Variants in VSIR observed in about 807,000 individuals in gnomAD.
VSIR encodes the protein V-type immunoglobulin domain-containing suppressor of T-cell activation.
A neutral mutation model predicts 31.0 loss-of-function variants in VSIR; 10 were observed. The observed-to-expected ratio is 0.32, with a 90% CI of 0.20 to 0.55. The LOEUF is 0.55. VSIR is among the 20% of genes least tolerant of loss of function. The pLI is 0.93. For missense variants in VSIR, 356 were observed against 416.2 expected (o/e 0.86, Z 1.26); for synonymous variants, 179 against 180.1 (o/e 0.99, Z 0.05).
Position 71,755,398 on chromosome 10 carries a change from G to A in VSIR, c.637C>T (p.Leu213Phe), listed in dbSNP as rs201859625. The stretch of plus-strand genomic sequence containing the variant: ...GCCTGCCTTTGCTTGTAGACCAGGA[G>A]CAGGATGAGGGGGAGGCAGAGGATT... ...VGILCLPLIL[L>F]LVYKQRQAAS... is the part of the protein sequence containing the mutation. The change falls in exon 4 of 7, where the codon CTC (leucine) becomes TTC (phenylalanine). Residue 213 changes from leucine to phenylalanine, a missense_variant. By Grantham distance (22) the Leu-to-Phe change is conservative. This residue lies in a region of VSIR where 190 missense variants were observed against 185.2 expected (regional missense o/e 1.03). Coordinates refer to ENST00000394957, the MANE Select transcript of VSIR (RefSeq NM_022153.2). 1.5e-4 allele frequency: 244 copies of A among 1,613,402 alleles called. 1 individual carries two copies. Among genetic ancestry groups the A allele is most frequent in the Non-Finnish European group, 1.9e-4 (227 of 1,179,900 alleles).
chr10:71,758,320 C>T (rs988022218), intron 3 of VSIR, among the ~76,000 whole-genome samples: 1 of 152,140 alleles, frequency 6.6e-6, no homozygotes, highest in African/African-American at 2.4e-5. Context: ...CTCCTGGATG[C>T]CTTTGTATCT....
intron 1 of VSIR, among the ~76,000 whole-genome samples, chr10:71,764,932 G>A (rs905446736): frequency 6.6e-6 from 1 of 152,224 alleles, no homozygotes; most frequent in African/African-American, 2.4e-5. Flanking sequence ...CCTGCAGCAG[G>A]CTCAGTGGAA....
At position 71,750,565 on chromosome 10, in the gene VSIR, T is replaced by G. The variant is rs1839972284; in HGVS notation, c.*688A>C. ...GCCTCAGATTGCCCAAGACACCATTTGCTCACGGAGGCCACCATGCCCCAA... is the reference window on the plus strand; with the variant it reads ...GCCTCAGATTGCCCAAGACACCATTGGCTCACGGAGGCCACCATGCCCCAA... On this transcript the variant is annotated 3_prime_UTR_variant, in exon 7 of 7. Transcript: ENST00000394957. 1.3e-5 allele frequency: 2 copies of G among 152,328 alleles called. No individual in the cohort carries two copies. The highest frequency in any genetic ancestry group is 4.8e-5 in the African/African-American group (2 of 41,456). The allele number at this position is 152,328 out of a possible 1,614,324, so 9.4% of individuals were successfully genotyped here.
At chr10:71,756,028 C>T (rs1205551704) in intron 3 of VSIR, among the ~76,000 whole-genome samples, 1 of 152,134 alleles carries the variant, frequency 6.6e-6, no homozygotes, top group African/African-American at 2.4e-5. Flanking sequence ...CTCCTTAGCT[C>T]TGGGATGGGG....
chr10:71,768,848 C>A (rs1840621182), intron 1 of VSIR, among the ~76,000 whole-genome samples: 1 of 152,194 alleles, frequency 6.6e-6, no homozygotes, highest in African/African-American at 2.4e-5. Flanking sequence ...GTACTAGTAT[C>A]ATCTCCATTT....
chr10:71,772,181 C>G (rs1840700723), intron 1 of VSIR, among the ~76,000 whole-genome samples: 1 of 152,226 alleles, frequency 6.6e-6, no homozygotes, highest in Non-Finnish European at 1.5e-5. Context: ...CCCTCCTCCT[C>G]CTCAGAGGCC....
chr10:71,769,151 T>C (rs1840628440), intron 1 of VSIR, among the ~76,000 whole-genome samples: 1 of 152,264 alleles, frequency 6.6e-6, no homozygotes, highest in Non-Finnish European at 1.5e-5. Context: ...TAGAAGAGGT[T>C]ATTCCCTTTA....
rs1241846754 is a variant in VSIR at position 71,749,843 on chromosome 10, T to TC, written c.*1409dup. On this transcript the variant is annotated 3_prime_UTR_variant, in exon 7 of 7. Coordinates refer to ENST00000394957, the MANE Select transcript of VSIR (RefSeq NM_022153.2). ...CCCCCAAGCAATTGGGCGAACATCTTCCCGCCTAGCCCCAAATCCTGGCTT... is the reference window on the plus strand; with the variant it reads ...CCCCCAAGCAATTGGGCGAACATCTTCCCCGCCTAGCCCCAAATCCTGGCTT... The TC allele has an allele frequency of 6.6e-6, 1 of 151,492 alleles. No homozygotes were observed. The highest frequency in any genetic ancestry group is 1.5e-5 in the Non-Finnish European group (1 of 68,048). 9.4% of individuals were successfully genotyped at this position (151,492 alleles called of 1,614,324 possible). A position where few individuals can be genotyped will look rare whatever the true frequency, so the allele number is the denominator to read the frequency against.
intron 1 of VSIR, among the ~76,000 whole-genome samples, chr10:71,772,543 T>A (rs1840711664): frequency 6.6e-6 from 1 of 152,218 alleles, no homozygotes; most frequent in Non-Finnish European, 1.5e-5. Flanking sequence ...CAGGATACTA[T>A]CTGAACATGC....
intron 1 of VSIR, among the ~76,000 whole-genome samples, chr10:71,766,922 AC>A (rs1840561084): frequency 6.6e-6 from 1 of 152,126 alleles, no homozygotes; most frequent in African/African-American, 2.4e-5. Flanking sequence ...ATTGACCTCC[AC>A]GCCCTCCGTG....
At chr10:71,766,910 G>A (rs1476395920) in intron 1 of VSIR, among the ~76,000 whole-genome samples, 1 of 152,218 alleles carries the variant, frequency 6.6e-6, no homozygotes, top group Non-Finnish European at 1.5e-5. Flanking sequence ...AACTGACCGT[G>A]CATTGACCTC....
intron 3 of VSIR, among the ~76,000 whole-genome samples, chr10:71,758,742 C>G (rs752892400): frequency 3.3e-5 from 5 of 152,144 alleles, no homozygotes; most frequent in Non-Finnish European, 7.4e-5. Flanking sequence ...TAAGAATTCC[C>G]TGAGGCTAGG....
At chr10:71,768,157 C>G (rs144993268) in intron 1 of VSIR, among the ~76,000 whole-genome samples, 2 of 152,130 alleles carry the variant, frequency 1.3e-5, no homozygotes, top group South Asian at 4.1e-4. Flanking sequence ...GTTTGGTTGG[C>G]TTTGTTGCTG....
At chr10:71,757,635 G>A (rs1228345085) in intron 3 of VSIR, 1 of 152,034 alleles carries the variant, frequency 6.6e-6, no homozygotes, top group African/African-American at 2.4e-5. Context: ...GGTAGCTGCC[G>A]ACACCGCACT....
At position 71,751,490 on chromosome 10, in the gene VSIR, G is replaced by A. The variant is rs1247815171; in HGVS notation, c.898+178C>T. Among the ~76,000 whole-genome samples the A allele has an allele frequency of 6.4e-5, 7 of 109,842 alleles. No homozygotes were observed. The South Asian group carries it at 1.9e-3, about 30-fold the overall frequency. The allele number at this position is 109,842 out of a possible 152,430, so 72.1% of individuals were successfully genotyped here. ...TGTCCCTCACCCTCAACCCCACCCC[G>A]TGAGGCCGTGGAACTCTTCAGGGAG... On this transcript the variant is annotated intron_variant, in intron 6 of 6. Transcript: ENST00000394957. The surrounding 1 kb of genome is among the most constrained non-coding windows in gnomAD (Gnocchi z 4.9).
At chr10:71,766,508 C>T (rs964847087) in intron 1 of VSIR, among the ~76,000 whole-genome samples, 1 of 152,214 alleles carries the variant, frequency 6.6e-6, no homozygotes, top group Non-Finnish European at 1.5e-5. Context: ...GTTGTGCCCT[C>T]ATTGTGTGCC....
chr10:71,754,938 C>T, intron 4 of VSIR: 1 of 386,586 alleles, frequency 2.6e-6, no homozygotes, highest in South Asian at 1.9e-5. Context: ...TCTGTAAGAC[C>T]CCTTCCACTT....
intron 3 of VSIR, among the ~76,000 whole-genome samples, chr10:71,757,112 C>G (rs1171579819): frequency 6.6e-6 from 1 of 152,198 alleles, no homozygotes; most frequent in Admixed American, 6.5e-5. Context: ...ATTTCAAAAC[C>G]CCCATCAAAG....
intron 3 of VSIR, among the ~76,000 whole-genome samples, chr10:71,759,872 TACAC>T (rs1171869977): frequency 2.9e-5 from 1 of 34,866 alleles, no homozygotes. Flanking sequence ...CACATATATA[TACAC>T]ACACACACAT....
Sources: allele counts gnomAD v4.1 joint callset (sites outside exome capture counted in the v4.1 genomes callset), GRCh38; gene constraint gnomAD v4.1.1; regional missense constraint gnomAD v4.1.1; non-coding constraint Gnocchi (gnomAD v3.1); transcripts MANE v1.5; gene names NCBI Gene and HGNC (gene_info 2026-07-23, HGNC 2026-07-21).